The following ZZEF1 variants were observed in gnomAD, a reference collection of about 807,000 sequenced individuals.
ZZEF1 encodes zinc finger ZZ-type and EF-hand domain containing 1.
A neutral mutation model predicts 342.8 loss-of-function variants in ZZEF1; 157 were observed. That is an observed-to-expected ratio of 0.46 (90% CI 0.40 to 0.52). The LOEUF (loss-of-function observed/expected upper bound fraction) is 0.52, where lower values mean the gene tolerates loss of function less well. Among genes scored for constraint, ZZEF1 ranks in the 20% least tolerant of loss-of-function variants. The pLI, the probability that ZZEF1 is intolerant of heterozygous loss-of-function variation, is 0.00. For synonymous variants in ZZEF1, 1,505 were observed against 1,429.1 expected (o/e 1.05, Z -1.20); for missense variants, 3,480 against 3,725.6 (o/e 0.93, Z 1.72).
Position 4,006,323 on chromosome 17 carries a change from G to A in ZZEF1, c.*567C>T, listed in dbSNP as rs2055799337. ...TTCTCCTCAAGGAGTTCTCTGGGAG[G>A]GTGCGGCCGTGCAGGGAGCTAGCTC... is the stretch of plus-strand genomic sequence containing the variant. On this transcript the variant is annotated 3_prime_UTR_variant, in exon 55 of 55. Transcript: ENST00000381638. 2 of 159,678 alleles carry A rather than the reference G, an allele frequency of 1.3e-5. No individual in the cohort carries two copies. Among genetic ancestry groups the A allele is most frequent in the Admixed American group, 1.2e-4 (2 of 16,992 alleles). The allele number at this position is 159,678 out of a possible 1,614,324, so 9.9% of individuals were successfully genotyped here. A position where few individuals can be genotyped will look rare whatever the true frequency, so the allele number is the denominator to read the frequency against.
chr17:4,077,796 C>T, intron 19 of ZZEF1, 87 bp downstream of exon 19: 4 of 1,416,458 alleles, frequency 2.8e-6, no homozygotes, highest in Non-Finnish European at 3.9e-6. Context: ...CATATGCACA[C>T]TCATTGCATG....
In ZZEF1 at chr17:4,128,703, C is replaced by G. The variant is rs189570000; in HGVS notation, c.355-4652G>C. Among the ~76,000 whole-genome samples, 1,016 of 151,218 alleles carry G rather than the reference C, an allele frequency of 6.7e-3. 6 individuals are homozygous for G. Among genetic ancestry groups the G allele is most frequent in the Middle Eastern group, 0.021 (6 of 288 alleles). On this transcript the variant is annotated intron_variant, in intron 1 of 54. Coordinates refer to ENST00000381638, the MANE Select transcript of ZZEF1 (RefSeq NM_015113.4). ...TCCTGAACTGCTGGCTTCAAGTGAT[C>G]TGCCTGCCTCGGCCTCCCAAAGTGC...
intron 52 of ZZEF1, among the ~76,000 whole-genome samples, chr17:4,013,244 A>G (rs1319909789): frequency 1.3e-5 from 2 of 152,240 alleles, no homozygotes; most frequent in East Asian, 1.9e-4. Flanking sequence ...ATAACAGGGA[A>G]TATCTTCATG....
At position 4,055,501 on chromosome 17, in the gene ZZEF1, C is replaced by T. The variant is rs563953946; in HGVS notation, c.5295+715G>A. ...ACATCTGAATCATGCAGCTCTGATG[C>T]CCTCTCTATACATAACGGCTGCTCC... On this transcript the variant is annotated intron_variant, in intron 33 of 54. Transcript: ENST00000381638. Among the ~76,000 whole-genome samples, 126 of 152,278 alleles carry T rather than the reference C, an allele frequency of 8.3e-4. 1 individual carries two copies. Among genetic ancestry groups the T allele is most frequent in the African/African-American group, 3.0e-3 (123 of 41,554 alleles).
intron 1 of ZZEF1, among the ~76,000 whole-genome samples, chr17:4,127,255 C>T (rs1247199918): frequency 6.6e-6 from 1 of 152,074 alleles, no homozygotes; most frequent in East Asian, 1.9e-4. Flanking sequence ...TTTCCCACCT[C>T]GGCCTCCCAA....
chr17:4,051,370 GGTA>G (rs1490515846), intron 35 of ZZEF1, among the ~76,000 whole-genome samples: 1 of 152,036 alleles, frequency 6.6e-6, no homozygotes, highest in Non-Finnish European at 1.5e-5. Flanking sequence ...TTTAAAGGGG[GGTA>G]TAAAGTATGT....
At position 4,085,717 on chromosome 17, in the gene ZZEF1, A is replaced by T. The variant is rs1021514478; in HGVS notation, c.2599T>A (p.Phe867Ile). 4 of 1,614,088 alleles carry T rather than the reference A, an allele frequency of 2.5e-6. No homozygotes were observed. In the Admixed American group the frequency reaches 5.0e-5, roughly 20 times the overall value. ...CGTCGGGTCTGTCGATTAGGAAAGA[A>T]GATGGCAGCCCCATTGAGAAGGGTA... ...RNTLLNGAAI[F>I]FPNRQTRRNH... Residue 867 changes from phenylalanine (F) to isoleucine (I), a missense_variant, in exon 16 of 55, where the codon TTC becomes ATC. Coordinates refer to ENST00000381638, the MANE Select transcript of ZZEF1 (RefSeq NM_015113.4).
At chr17:4,044,147 G>A in intron 38 of ZZEF1, 77 bp downstream of exon 38, 3 of 1,523,560 alleles carry the variant, frequency 2.0e-6, no homozygotes, top group African/African-American at 1.4e-5. Context: ...CAAGCTGTGT[G>A]CCACAAACAG....
At chr17:4,108,267 A>T (rs772603146) in intron 6 of ZZEF1, among the ~76,000 whole-genome samples, 1 of 152,238 alleles carries the variant, frequency 6.6e-6, no homozygotes, top group Non-Finnish European at 1.5e-5. Context: ...GGATGCAATG[A>T]GAACAAAGCA....
chr17:4,055,567 C>A (rs1456351090), intron 33 of ZZEF1, among the ~76,000 whole-genome samples: 1 of 152,212 alleles, frequency 6.6e-6, no homozygotes, highest in Non-Finnish European at 1.5e-5. Flanking sequence ...CGTGGCTTCC[C>A]ACACTGCTTG....
chr17:4,016,185 C>G lies in ZZEF1; in HGVS notation c.8145+138G>C. The G allele has an allele frequency of 2.0e-6, 2 of 1,003,654 alleles. No homozygotes were observed. The highest frequency in any genetic ancestry group is 2.9e-6 in the Non-Finnish European group (2 of 693,654). The allele number at this position is 1,003,654 out of a possible 1,614,324, so 62.2% of individuals were successfully genotyped here. A position where few individuals can be genotyped will look rare whatever the true frequency, so the allele number is the denominator to read the frequency against. On this transcript the variant is annotated intron_variant, in intron 49 of 54. Coordinates refer to ENST00000381638, the MANE Select transcript of ZZEF1 (RefSeq NM_015113.4). This position sits in a 1 kb window ranked among gnomAD's most constrained non-coding sequence, Gnocchi z 4.4. ...GCAGACTGCAGTTTGTTCAAGGAAG[C>G]ACTTTCCTGGACAGGTCTCTGCTGT...
intron 2 of ZZEF1, among the ~76,000 whole-genome samples, chr17:4,123,267 CCATATATATATATATATATATATATA>C (rs1198091517): frequency 2.4e-5 from 1 of 41,522 alleles, no homozygotes; most frequent in African/African-American, 8.8e-5. Flanking sequence ...TTTATCATAA[CCATATATATATATATATATATATATA>C]TATATATATA....
chr17:4,124,018 T>G lies in ZZEF1; in HGVS notation c.388A>C (p.Thr130Pro). 6.2e-7 allele frequency: 1 copy of G among 1,613,774 alleles called. No homozygotes were observed. The highest frequency in any genetic ancestry group is 1.1e-5 in the South Asian group (1 of 91,000). ...TCCAACATGTTCTCGGCATCAACTG[T>G]CCCATCACCCTCAGCATCAAACTGG... ...FAQFDAEGDG[T>P]VDAENMLEAL... Residue 130 changes from threonine (T) to proline (P), a missense_variant, in exon 2 of 55, where the codon ACA becomes CCA. This residue lies in a region of ZZEF1 where 416 missense variants were observed against 374.2 expected (regional missense o/e 1.11). Transcript: ENST00000381638.
intron 30 of ZZEF1, among the ~76,000 whole-genome samples, chr17:4,061,878 T>G (rs557421344): frequency 6.6e-6 from 1 of 152,272 alleles, no homozygotes; most frequent in South Asian, 2.1e-4. Context: ...GACTCCTAAC[T>G]GCTTTTCTTA....
intron 26 of ZZEF1, among the ~76,000 whole-genome samples, chr17:4,069,542 C>T (rs1355683295): frequency 2.0e-5 from 3 of 151,920 alleles, no homozygotes; most frequent in Non-Finnish European, 4.4e-5. Flanking sequence ...TCAATAATAA[C>T]AAAACGAGGC....
intron 6 of ZZEF1, among the ~76,000 whole-genome samples, chr17:4,108,224 T>C (rs2058242654): frequency 6.6e-6 from 1 of 152,222 alleles, no homozygotes; most frequent in African/African-American, 2.4e-5. Context: ...TGCATTAGAA[T>C]GAGGACTATC....
chr17:4,025,937 G>A (rs1408182321), intron 42 of ZZEF1, among the ~76,000 whole-genome samples: 2 of 152,198 alleles, frequency 1.3e-5, no homozygotes, highest in African/African-American at 2.4e-5. Flanking sequence ...CAAACATCCA[G>A]GCAGAATCCA....
At chr17:4,009,206 A>G in intron 53 of ZZEF1, 1 of 577,256 alleles carries the variant, frequency 1.7e-6, no homozygotes, top group Non-Finnish European at 3.1e-6. Flanking sequence ...CAGTTTCCTC[A>G]TGTGTGAAAG....
In ZZEF1 at chr17:4,032,202, A is replaced by G. The variant is rs1193022081; in HGVS notation, c.6816T>C (p.Asn2272=). ...VYMDNANEPH[N]VIILKHFTEK... ...CAGTAAAGTGCTTCAAGATGATCAC[A>G]TTATGGGGTTCATTGGCATTATCCA... is the stretch of plus-strand genomic sequence containing the variant. The change falls in exon 42 of 55, where the codon AAT becomes AAC. Residue 2272 remains asparagine, a synonymous_variant. Coordinates refer to ENST00000381638, the MANE Select transcript of ZZEF1 (RefSeq NM_015113.4). 6.2e-7 allele frequency: 1 copy of G among 1,614,024 alleles called. No homozygotes were observed. The highest frequency in any genetic ancestry group is 8.5e-7 in the Non-Finnish European group (1 of 1,180,018).
Sources: gnomAD v4.1 joint callset for allele counts (sites outside exome capture counted in the v4.1 genomes callset) on GRCh38, gnomAD v4.1.1 for gene constraint, gnomAD v4.1.1 regional missense constraint, Gnocchi (gnomAD v3.1) non-coding constraint, MANE v1.5 for transcripts, NCBI Gene and HGNC (gene_info 2026-07-23, HGNC 2026-07-21) for gene names.